The following TNXB variants were observed in gnomAD, a reference collection of about 807,000 sequenced individuals.
TNXB encodes the protein tenascin-X.
Under a neutral mutation model 340.5 loss-of-function variants are expected in TNXB, and 183 were observed. That is an observed-to-expected ratio of 0.54 (90% confidence interval 0.48 to 0.61). The LOEUF is 0.61. Ranked by LOEUF, TNXB falls within the 20% of genes least tolerant of loss-of-function variation. The probability of loss-of-function intolerance (pLI) is 0.00; values close to 1 mark genes in which losing one functional copy is unlikely to be tolerated. For synonymous variants in TNXB, 2,121 were observed against 2,314.5 expected (o/e 0.92, Z 2.40); for missense variants, 4,613 against 5,446.4 (o/e 0.85, Z 4.82).
In TNXB at chr6:32,049,363, C is replaced by T; in HGVS notation, c.9664G>A (p.Gly3222Arg). ...VRGEESEVTV[G>R]GLEPGRKYKM... is the part of the protein sequence containing the mutation. ...TATTTGCGCCCGGGCTCCAGGCCCC[C>T]CACGGTGACCTCGCTCTCCTCGCCC... Residue 3222 changes from glycine (G) to arginine (R), a missense_variant, in exon 28 of 44, where the codon GGG becomes AGG. Gly to Arg is a moderately radical substitution (Grantham distance 125). Around this residue, in one of 7 missense-constraint regions of TNXB, gnomAD observed 4,327 missense variants for 4,859.4 expected, o/e 0.89. Coordinates refer to ENST00000644971, the MANE Select transcript of TNXB (RefSeq NM_001365276.2). This position sits in a 1 kb window ranked among gnomAD's most constrained non-coding sequence, Gnocchi z 4.5. 3 of 1,612,468 alleles carry T rather than the reference C, an allele frequency of 1.9e-6. No individual in the cohort carries two copies. The highest frequency in any genetic ancestry group is 4.5e-5 in the East Asian group (2 of 44,882).
intron 33 of TNXB, 51 bp from the exon 34 acceptor site, chr6:32,044,180 C>T (rs1463778079): frequency 2.1e-6 from 3 of 1,419,468 alleles, no homozygotes; most frequent in Non-Finnish European, 2.9e-6. Flanking sequence ...GGAGGCTTCT[C>T]CCTACGAGTC....
rs185819 is a variant in TNXB at position 32,082,290 on chromosome 6, T to A, written c.3482A>T (p.His1161Leu). Reference sequence around the variant, plus strand: ...GTCTGTCACCCACAGGTTTCCCAGGTGGGGTGGAGTCCCTGGACTTGGGTC... The same window carrying A: ...GTCTGTCACCCACAGGTTTCCCAGGAGGGGTGGAGTCCCTGGACTTGGGTC... ...QSDPSPGTPP[H>L]LGNLWVTDPT... is the part of the protein sequence containing the mutation. Residue 1161 changes from histidine (H) to leucine (L), a missense_variant, in exon 9 of 44, where the codon CAC (histidine) becomes CTC (leucine). By Grantham distance (99) the His-to-Leu change is moderately conservative. Transcript: ENST00000644971. This position sits in a 1 kb window ranked among gnomAD's most constrained non-coding sequence, Gnocchi z 5.0. 8 of 1,600,388 alleles carry A rather than the reference T, an allele frequency of 5.0e-6. No homozygotes were observed. The South Asian group carries it at 7.8e-5, about 16-fold the overall frequency.
chr6:32,060,242 G>A (rs1777924753), intron 21 of TNXB, among the ~76,000 whole-genome samples: 1 of 149,520 alleles, frequency 6.7e-6, no homozygotes, highest in Non-Finnish European at 1.5e-5. Context: ...TGAGGCAGGA[G>A]AATCGCTTGA....
rs1447044458 is a variant in TNXB, at chr6:32,051,066, A to G, written c.9116-745T>C. Among the ~76,000 whole-genome samples, 1 of 152,220 alleles carries G rather than the reference A, an allele frequency of 6.6e-6. No homozygotes were observed. The highest frequency in any genetic ancestry group is 1.9e-4 in the East Asian group (1 of 5,200). ...AAGGACACCCCACTCAATCCTCAGT[A>G]CTTCTCACACACCATGCTCTTTCTA... On this transcript the variant is annotated intron_variant, in intron 26 of 43. Coordinates refer to ENST00000644971, the MANE Select transcript of TNXB (RefSeq NM_001365276.2). The surrounding 1 kb of genome is among the most constrained non-coding windows in gnomAD (Gnocchi z 4.7).
intron 11 of TNXB, 115 bp downstream of exon 11, chr6:32,078,918 C>A: frequency 8.7e-7 from 1 of 1,147,746 alleles, no homozygotes; most frequent in Non-Finnish European, 1.2e-6. Flanking sequence ...CTTTCTAGGT[C>A]TTCCCCTGGC....
chr6:32,046,354 A>G lies in TNXB; in HGVS notation c.10427T>C (p.Phe3476Ser). ...CCTGTACTGGACCACGAAGGAGTCA[A>G]AGGGGCCCTGGGCTACCGTCCAGGA... is the stretch of plus-strand genomic sequence containing the variant. ...RLSWTVAQGPFDSFVVQYRDT... is the reference protein window; with the variant it reads ...RLSWTVAQGPSDSFVVQYRDT... The change falls in exon 31 of 44, where the codon TTT (phenylalanine) becomes TCT (serine). Residue 3476 changes from phenylalanine (F) to serine (S), a missense_variant. Physicochemically the swap from Phe to Ser is radical, Grantham distance 155. Transcript: ENST00000644971. The surrounding 1 kb of genome is among the most constrained non-coding windows in gnomAD (Gnocchi z 6.9). The G allele has an allele frequency of 1.9e-6, 3 of 1,605,070 alleles. No homozygotes were observed. The highest frequency in any genetic ancestry group is 2.5e-6 in the Non-Finnish European group (3 of 1,177,178).
chr6:32,100,905 C>A (rs980661813), intron 1 of TNXB, among the ~76,000 whole-genome samples: 1 of 151,060 alleles, frequency 6.6e-6, no homozygotes, highest in Non-Finnish European at 1.5e-5. Context: ...CATGGTGAAA[C>A]CCCATCTCTA....
In TNXB at chr6:32,049,697, G is replaced by A; in HGVS notation, c.9440-110C>T. On this transcript the variant is annotated intron_variant, in intron 27 of 43. Coordinates refer to ENST00000644971, the MANE Select transcript of TNXB (RefSeq NM_001365276.2). This position sits in a 1 kb window ranked among gnomAD's most constrained non-coding sequence, Gnocchi z 4.5. ...GGGGACCTGAGGTCATTTCAGAGAA[G>A]TCCATTCTTGGGGCTGGGTGGTCCT... 4.5e-6 allele frequency: 6 copies of A among 1,332,422 alleles called. No homozygotes were observed. The highest frequency in any genetic ancestry group is 6.1e-6 in the Non-Finnish European group (6 of 987,220). The allele number at this position is 1,332,422 out of a possible 1,614,324, so 82.5% of individuals were successfully genotyped here.
Position 32,075,189 on chromosome 6 carries a change from CCT to C in TNXB, c.4376-1239_4376-1238del, listed in dbSNP as rs1260855077. On this transcript the variant is annotated intron_variant, in intron 11 of 43. Coordinates refer to ENST00000644971, the MANE Select transcript of TNXB (RefSeq NM_001365276.2). This position sits in a 1 kb window ranked among gnomAD's most constrained non-coding sequence, Gnocchi z 4.6. The stretch of plus-strand genomic sequence containing the variant: ...GGTCATCGCCTTCTGCCCTCACCCC[CCT>C]TTAGTCTGTTGGGTCTGCAGCCAGA... 6.6e-6 allele frequency among the ~76,000 whole-genome samples: 1 copy of C among 152,236 alleles called. No homozygotes were observed. Among genetic ancestry groups the C allele is most frequent in the Non-Finnish European group, 1.5e-5 (1 of 68,038 alleles).
rs1464990443 is a variant in TNXB, at chr6:32,080,107, A to C, written c.4043-742T>G. Among the ~76,000 whole-genome samples, 2 of 152,208 alleles carry C rather than the reference A, an allele frequency of 1.3e-5. No individual in the cohort carries two copies. Among genetic ancestry groups the C allele is most frequent in the Non-Finnish European group, 2.9e-5 (2 of 68,038 alleles). ...GAAGGGAGGGAGGTGGGGAGCAAAA[A>C]AGATTACTGGGAAGTGAGAGAGTCA... is the stretch of plus-strand genomic sequence containing the variant. On this transcript the variant is annotated intron_variant, in intron 10 of 43. Transcript: ENST00000644971. This position sits in a 1 kb window ranked among gnomAD's most constrained non-coding sequence, Gnocchi z 4.3.
At chr6:32,071,937 G>C (rs1778794571) in intron 13 of TNXB, 53 bp downstream of exon 13, 1 of 1,463,588 alleles carries the variant, frequency 6.8e-7, no homozygotes, top group East Asian at 2.3e-5. Flanking sequence ...GGAGTGAAGA[G>C]AAGGGTGGGA....
Position 32,087,908 on chromosome 6 carries a change from G to T in TNXB, c.2779+877C>A, listed in dbSNP as rs747852528. 17 of 347,408 alleles carry T rather than the reference G, an allele frequency of 4.9e-5. No individual in the cohort carries two copies. Among genetic ancestry groups the T allele is most frequent in the African/African-American group, 2.9e-4 (13 of 44,106 alleles). 21.5% of individuals were successfully genotyped at this position (347,408 alleles called of 1,614,324 possible). A position where few individuals can be genotyped will look rare whatever the true frequency, so the allele number is the denominator to read the frequency against. On this transcript the variant is annotated intron_variant, in intron 6 of 43. Transcript: ENST00000644971. The surrounding 1 kb of genome is among the most constrained non-coding windows in gnomAD (Gnocchi z 9.0). Reference sequence around the variant, plus strand: ...CTCGAGGGCCAAGGGGGCCGTGGGGGCCGCGGGGCTGGGGCTGGCCGGGGC... The same window carrying T: ...CTCGAGGGCCAAGGGGGCCGTGGGGTCCGCGGGGCTGGGGCTGGCCGGGGC...
Position 32,068,696 on chromosome 6 carries a change from C to G in TNXB, c.5914G>C (p.Glu1972Gln). The change falls in exon 17 of 44, where the codon GAG becomes CAG. Residue 1972 changes from glutamate (E) to glutamine (Q), a missense_variant. Glu to Gln is a conservative substitution (Grantham distance 29). Coordinates refer to ENST00000644971, the MANE Select transcript of TNXB (RefSeq NM_001365276.2). This position sits in a 1 kb window ranked among gnomAD's most constrained non-coding sequence, Gnocchi z 5.3. Reference protein sequence around the residue: ...HVEALTVPEEEKPSEPPTATP... With the variant: ...HVEALTVPEEQKPSEPPTATP... ...GCGGTGGGAGGTTCTGAAGGCTTCTCCTCCTCCGGGACTGGACAGAGACAT... is the reference window on the plus strand; with the variant it reads ...GCGGTGGGAGGTTCTGAAGGCTTCTGCTCCTCCGGGACTGGACAGAGACAT... 1.2e-6 allele frequency: 2 copies of G among 1,613,444 alleles called. No homozygotes were observed. The highest frequency in any genetic ancestry group is 1.7e-6 in the Non-Finnish European group (2 of 1,179,566).
In TNXB at chr6:32,084,603, G is replaced by A. The variant is rs776363336; in HGVS notation, c.3255C>T (p.Pro1085=). The part of the protein sequence containing the change: ...SDSLLLRWTV[P]EGEFDSFVIQ... ...TCACGAAGGAGTCAAACTCGCCCTCGGGGACCGTCCAGCGCAGGAGCAAGG... is the reference window on the plus strand; with the variant it reads ...TCACGAAGGAGTCAAACTCGCCCTCAGGGACCGTCCAGCGCAGGAGCAAGG... Residue 1085 remains proline (P), a synonymous_variant, in exon 8 of 44, where the codon CCC becomes CCT. Coordinates refer to ENST00000644971, the MANE Select transcript of TNXB (RefSeq NM_001365276.2). This position sits in a 1 kb window ranked among gnomAD's most constrained non-coding sequence, Gnocchi z 5.5. 1.0e-5 allele frequency: 16 copies of A among 1,607,998 alleles called. No homozygotes were observed. Among genetic ancestry groups the A allele is most frequent in the Admixed American group, 5.0e-5 (3 of 59,864 alleles).
intron 23 of TNXB, 39 bp downstream of exon 23, chr6:32,056,547 C>T: frequency 1.2e-6 from 2 of 1,605,018 alleles, no homozygotes; most frequent in Non-Finnish European, 1.7e-6. Context: ...GGGTGACCCT[C>T]CCACGGCTCC....
Position 32,096,618 on chromosome 6 carries a change from C to A in TNXB, c.1235G>T (p.Gly412Val). Residue 412 changes from glycine (G) to valine (V), a missense_variant, in exon 3 of 44, where the codon GGC becomes GTC. Gly to Val is a moderately radical substitution (Grantham distance 109). Around this residue, in one of 7 missense-constraint regions of TNXB, gnomAD observed 4,327 missense variants for 4,859.4 expected, o/e 0.89. Transcript: ENST00000644971. ...CACGCAGCGGCCGTCCTCGCAGCGG[C>A]CCCTTTGGTTGCAGTCGCCAGGGCA... ...RSCPGDCNQR[G>V]RCEDGRCVCW... 6.4e-7 allele frequency: 1 copy of A among 1,562,930 alleles called. No homozygotes were observed. The highest frequency in any genetic ancestry group is 8.6e-7 in the Non-Finnish European group (1 of 1,158,760).
At chr6:32,091,206 G>C (rs1031963562) in intron 4 of TNXB, among the ~76,000 whole-genome samples, 1 of 151,488 alleles carries the variant, frequency 6.6e-6, no homozygotes, top group East Asian at 2.0e-4. Flanking sequence ...CGCCTCCCGG[G>C]TTCAAGCGAT....
At position 32,089,141 on chromosome 6, in the gene TNXB, C is replaced by A; in HGVS notation, c.2515+82G>T. On this transcript the variant is annotated intron_variant, in intron 5 of 43. Transcript: ENST00000644971. This position sits in a 1 kb window ranked among gnomAD's most constrained non-coding sequence, Gnocchi z 6.2. ...AGCCTAGCCCCCATCCAGCCCCTTC[C>A]TTCTGCCCTCCCGGAGGGCAGATTC... 6.4e-7 allele frequency: 1 copy of A among 1,568,824 alleles called. No homozygotes were observed. The highest frequency in any genetic ancestry group is 8.7e-7 in the Non-Finnish European group (1 of 1,155,788).
chr6:32,083,332 G>A lies in TNXB; in HGVS notation c.3446-1006C>T, dbSNP rs902296864. Among the ~76,000 whole-genome samples the A allele has an allele frequency of 3.3e-5, 5 of 152,076 alleles. No individual in the cohort carries two copies. Among genetic ancestry groups the A allele is most frequent in the African/African-American group, 7.3e-5 (3 of 41,374 alleles). ...CCCTGTCTCTTCCCCAACCCCACAC[G>A]ACTACTCTGGTGCCTCAATTCTCCT... On this transcript the variant is annotated intron_variant, in intron 8 of 43. Coordinates refer to ENST00000644971, the MANE Select transcript of TNXB (RefSeq NM_001365276.2). The surrounding 1 kb of genome is among the most constrained non-coding windows in gnomAD (Gnocchi z 4.6).
Sources: allele counts gnomAD v4.1 joint callset (sites outside exome capture counted in the v4.1 genomes callset), GRCh38; gene constraint gnomAD v4.1.1; regional missense constraint gnomAD v4.1.1; non-coding constraint Gnocchi (gnomAD v3.1); transcripts MANE v1.5; gene names NCBI Gene and HGNC (gene_info 2026-07-23, HGNC 2026-07-21).